DMD: variants seen among roughly 807,000 people sequenced by gnomAD.
DMD encodes dystrophin, also known as mutant dystrophin.
A neutral mutation model predicts 330.1 loss-of-function variants in DMD; 63 were observed. The ratio of observed to expected loss-of-function variants is 0.19; its 90% CI spans 0.16 to 0.24. The LOEUF is 0.24. DMD is among the 10% of genes least tolerant of loss of function. The pLI is 1.00. For missense variants in DMD, 3,344 were observed against 2,684.1 expected, an observed-to-expected ratio of 1.25 and a Z score of -5.43; for synonymous variants, 1,223 against 959.8, an observed-to-expected ratio of 1.27 and a Z score of -5.07.
intron 16 of DMD, among the ~76,000 whole-genome samples, chrX:32,558,728 A>G (rs1309514771): frequency 9.0e-6 from 1 of 111,019 alleles, no homozygotes; most frequent in Non-Finnish European, 1.9e-5. Context: ...AAATTTATAA[A>G]TAAAGAATGA....
At chrX:31,567,046 T>C (rs142031747) in intron 55 of DMD, among the ~76,000 whole-genome samples, 105 of 111,497 alleles carry the variant, frequency 9.4e-4, no homozygotes, top group Non-Finnish European at 1.8e-3. Context: ...GTTGATCTTG[T>C]ATTTTTGGAT....
intron 60 of DMD, among the ~76,000 whole-genome samples, chrX:31,380,459 C>T (rs1225822163): frequency 9.1e-6 from 1 of 110,270 alleles, no homozygotes; most frequent in Non-Finnish European, 1.9e-5. Context: ...CCCATTAAAA[C>T]CTAATCACCC....
intron 60 of DMD, among the ~76,000 whole-genome samples, chrX:31,381,916 C>T (rs898500956): frequency 6.3e-5 from 7 of 111,768 alleles, no homozygotes; most frequent in East Asian, 2.8e-4. Context: ...GATTTGCCCC[C>T]GCCCAGGACT....
chrX:32,611,771 G>A (rs898640112), intron 12 of DMD, among the ~76,000 whole-genome samples: 1 of 111,873 alleles, frequency 8.9e-6, no homozygotes, highest in Non-Finnish European at 1.9e-5. Context: ...GCAGTGTCCT[G>A]CCTTCTGATG....
intron 44 of DMD, among the ~76,000 whole-genome samples, chrX:32,050,987 T>TTTTTTTTTTTTC (rs1491256522): frequency 4.1e-4 from 41 of 99,257 alleles, no homozygotes; most frequent in African/African-American, 1.5e-3. Flanking sequence ...TTTTTTTTTT[T>TTTTTTTTTTTTC]CCCCCTAATA....
chrX:31,698,653 C>A (rs1370536558), intron 52 of DMD, among the ~76,000 whole-genome samples: 1 of 112,200 alleles, frequency 8.9e-6, no homozygotes, highest in African/African-American at 3.2e-5. Context: ...CTCAAACCCA[C>A]AAAGAGGAAG....
chrX:33,098,732 G>A (rs1056014010), intron 1 of DMD, among the ~76,000 whole-genome samples: 1 of 111,771 alleles, frequency 8.9e-6, no homozygotes, highest in East Asian at 2.8e-4. Flanking sequence ...ACACTCGCCA[G>A]CAGTTTTGCC....
At chrX:33,066,543 T>C (rs2094664376) in intron 1 of DMD, among the ~76,000 whole-genome samples, 1 of 108,416 alleles carries the variant, frequency 9.2e-6, no homozygotes, top group Non-Finnish European at 1.9e-5. Context: ...TGGAGTAGAA[T>C]GGCATAGAGC....
chrX:31,674,931 T>C (rs1235131852), intron 53 of DMD, among the ~76,000 whole-genome samples: 4 of 112,436 alleles, frequency 3.6e-5, no homozygotes, highest in African/African-American at 1.3e-4. Flanking sequence ...GCATCATCTC[T>C]CATAGGATTC....
intron 56 of DMD, among the ~76,000 whole-genome samples, chrX:31,504,993 A>G (rs1438862381): frequency 8.9e-6 from 1 of 112,188 alleles, no homozygotes; most frequent in African/African-American, 3.2e-5. Context: ...TGAAGAGTCC[A>G]TATTTTGGCT....
At chrX:33,271,595 C>T (rs991204176) in intron 1 of DMD, among the ~76,000 whole-genome samples, 10 of 108,881 alleles carry the variant, frequency 9.2e-5, no homozygotes, top group African/African-American at 1.7e-4. Context: ...GGTGAAACCT[C>T]GTCTCTACTA....
At chrX:31,675,160 T>C (rs1281966055) in intron 53 of DMD, among the ~76,000 whole-genome samples, 2 of 112,160 alleles carry the variant, frequency 1.8e-5, no homozygotes, top group Non-Finnish European at 3.8e-5. Flanking sequence ...CAATTACCAA[T>C]ATGTTATGGC....
At chrX:31,925,410 C>G (rs909337377) in intron 47 of DMD, among the ~76,000 whole-genome samples, 2 of 110,529 alleles carry the variant, frequency 1.8e-5, no homozygotes, top group Non-Finnish European at 3.8e-5. Flanking sequence ...AAAAAATACC[C>G]ACATATAACA....
At chrX:31,152,538 CTTT>C (rs11285738) in intron 74 of DMD, among the ~76,000 whole-genome samples, 2 of 97,020 alleles carry the variant, frequency 2.1e-5, no homozygotes, top group Non-Finnish European at 2.1e-5. Context: ...ATTAATTCAT[CTTT>C]TTTTTTTTTT....
chrX:32,874,313 T>C (rs146759020), intron 2 of DMD, among the ~76,000 whole-genome samples: 84 of 112,199 alleles, frequency 7.5e-4, no homozygotes, highest in Middle Eastern at 4.7e-3. Flanking sequence ...ATATTCTCTA[T>C]TGATACAAAG....
In DMD at chrX:33,020,196, T is replaced by G; in HGVS notation, c.36A>C (p.Glu12Asp). ...ATGTTTTCTTTTGAACATCTTCTCT[T>G]TCATCTAAAATGCAAAATAAAAAAA... ...LWWEEVEDCY[E>D]REDVQKKTFT... is the part of the protein sequence containing the mutation. The change falls in exon 2 of 79, where the codon GAA becomes GAC. Residue 12 changes from glutamate to aspartate, a missense_variant. Coordinates refer to ENST00000357033, the MANE Select transcript of DMD (RefSeq NM_004006.3). The G allele has an allele frequency of 2.6e-6, 3 of 1,167,901 alleles. No homozygotes were observed. The highest frequency in any genetic ancestry group is 3.5e-6 in the Non-Finnish European group (3 of 860,766).
At chrX:32,834,644 T>C (rs1203596176) in intron 4 of DMD, among the ~76,000 whole-genome samples, 1 of 111,617 alleles carries the variant, frequency 9.0e-6, no homozygotes, top group East Asian at 2.8e-4. Flanking sequence ...TGTGATTTAA[T>C]GTATAGCAAT....
intron 55 of DMD, among the ~76,000 whole-genome samples, chrX:31,525,033 T>C (rs988219909): frequency 2.7e-5 from 3 of 111,929 alleles, no homozygotes; most frequent in African/African-American, 9.7e-5. Flanking sequence ...TTGGAACTAC[T>C]CAAACCCGAA....
At chrX:33,141,179 A>T (rs149380710) in intron 1 of DMD, among the ~76,000 whole-genome samples, 130 of 111,650 alleles carry the variant, frequency 1.2e-3, no homozygotes, top group African/African-American at 4.1e-3. Flanking sequence ...GAACTCAGCA[A>T]ACAGCCTGGC....
Sources: allele counts gnomAD v4.1 joint callset (sites outside exome capture counted in the v4.1 genomes callset), GRCh38; gene constraint gnomAD v4.1.1; transcripts MANE v1.5; gene names NCBI Gene and HGNC (gene_info 2026-07-23, HGNC 2026-07-21).